RNF19B: variants seen among roughly 807,000 people sequenced by gnomAD.
RNF19B encodes the protein ring finger protein 19B.
In RNF19B, 23 loss-of-function variants were observed where a neutral mutation model predicts 65.5. The observed-to-expected ratio is 0.35, with a 90% CI of 0.25 to 0.50. The LOEUF is 0.50. Among genes scored for constraint, RNF19B ranks in the 20% least tolerant of loss-of-function variants. The pLI is 0.98. For missense variants in RNF19B, 794 were observed against 980.0 expected (o/e 0.81, Z 2.53); for synonymous variants, 372 against 379.6 (o/e 0.98, Z 0.23).
intron 1 of RNF19B, among the ~76,000 whole-genome samples, chr1:32,957,531 C>A (rs895554081): frequency 1.3e-5 from 2 of 152,174 alleles, no homozygotes; most frequent in Non-Finnish European, 2.9e-5. Context: ...AACAGTGTAT[C>A]ATTCTGAAAG....
chr1:32,950,990 T>A (rs768884973), intron 1 of RNF19B, among the ~76,000 whole-genome samples: 2 of 151,990 alleles, frequency 1.3e-5, no homozygotes, highest in African/African-American at 4.8e-5. Flanking sequence ...TAGGCATGCA[T>A]CACCATGCGC....
intron 5 of RNF19B, 107 bp from the exon 6 acceptor site, chr1:32,944,266 C>A: frequency 7.9e-7 from 1 of 1,259,472 alleles, no homozygotes; most frequent in Non-Finnish European, 1.1e-6. Context: ...GAAAGGAAGA[C>A]AGAAAGTGGC....
chr1:32,960,628 C>CT (rs1199873472), intron 1 of RNF19B, among the ~76,000 whole-genome samples: 1 of 152,104 alleles, frequency 6.6e-6, no homozygotes, highest in Non-Finnish European at 1.5e-5. Context: ...GAGTGAGACT[C>CT]TGTCTCTAAA....
chr1:32,943,947 A>G, intron 6 of RNF19B, 72 bp downstream of exon 6: 1 of 1,456,976 alleles, frequency 6.9e-7, no homozygotes, highest in South Asian at 1.3e-5. Context: ...TCCCTGTAAA[A>G]TGCGCTGAAT....
chr1:32,955,673 C>T (rs566015022), intron 1 of RNF19B, among the ~76,000 whole-genome samples: 2 of 150,824 alleles, frequency 1.3e-5, no homozygotes, highest in Non-Finnish European at 2.9e-5. Context: ...GGCTACAGCC[C>T]GGGAGGTGGA....
intron 1 of RNF19B, among the ~76,000 whole-genome samples, chr1:32,952,739 A>C: frequency 7.8e-6 from 1 of 128,622 alleles, no homozygotes. Flanking sequence ...ACAGTGTGAG[A>C]CTCCATCTCA....
At chr1:32,948,576 C>T (rs921906084) in intron 2 of RNF19B, among the ~76,000 whole-genome samples, 1 of 152,106 alleles carries the variant, frequency 6.6e-6, no homozygotes, top group African/African-American at 2.4e-5. Context: ...TATTGAGCTG[C>T]CTATCCCAAC....
In RNF19B at chr1:32,936,693, G is replaced by T; in HGVS notation, c.*113C>A. 9.7e-7 allele frequency: 1 copy of T among 1,030,724 alleles called. No individual in the cohort carries two copies. 63.8% of individuals were successfully genotyped at this position (1,030,724 alleles called of 1,614,324 possible). A position where few individuals can be genotyped will look rare whatever the true frequency, so the allele number is the denominator to read the frequency against. The stretch of plus-strand genomic sequence containing the variant: ...TTCCCTGGGCAAAAACCTGTGACCA[G>T]AGAATCTGTGAAATAAAATACATAA... On this transcript the variant is annotated 3_prime_UTR_variant, in exon 9 of 9. Coordinates refer to ENST00000235150, the MANE Select transcript of RNF19B (RefSeq NM_001300826.2).
At chr1:32,935,509 G>C (rs1045599805), downstream of RNF19B, among the ~76,000 whole-genome samples, 2 of 152,118 alleles carry the variant, frequency 1.3e-5, no homozygotes, top group African/African-American at 4.8e-5. Flanking sequence ...AAATTTGTAA[G>C]ATCAGATAAA....
intron 1 of RNF19B, among the ~76,000 whole-genome samples, chr1:32,961,131 CA>C (rs1264542807): frequency 6.6e-6 from 1 of 152,170 alleles, no homozygotes; most frequent in African/African-American, 2.4e-5. Context: ...CTGAAGATCT[CA>C]AAACACCGTG....
Position 32,964,784 on chromosome 1 carries a change from A to ACCG in RNF19B, c.-102_-100dup. The stretch of plus-strand genomic sequence containing the variant: ...CCCGGCCGCCGCCGACGCCGCCACC[A>ACCG]CCGCCTCAACCGCCCTCCCGGCGAT... On this transcript the variant is annotated 5_prime_UTR_variant, in exon 1 of 9. Coordinates refer to ENST00000235150, the MANE Select transcript of RNF19B (RefSeq NM_001300826.2). The surrounding 1 kb of genome is among the most constrained non-coding windows in gnomAD (Gnocchi z 6.5). 9.2e-7 allele frequency: 1 copy of ACCG among 1,083,990 alleles called. No homozygotes were observed. The highest frequency in any genetic ancestry group is 1.2e-6 in the Non-Finnish European group (1 of 838,748). 67.1% of individuals were successfully genotyped at this position (1,083,990 alleles called of 1,614,324 possible). A position where few individuals can be genotyped will look rare whatever the true frequency, so the allele number is the denominator to read the frequency against.
At chr1:32,953,905 T>C (rs1642571029) in intron 1 of RNF19B, among the ~76,000 whole-genome samples, 1 of 143,714 alleles carries the variant, frequency 7.0e-6, no homozygotes, top group African/African-American at 2.6e-5. Flanking sequence ...CCACTTCTTT[T>C]TTTTTTTTTT....
intron 8 of RNF19B, among the ~76,000 whole-genome samples, chr1:32,938,091 G>A (rs1279542071): frequency 1.5e-5 from 2 of 130,178 alleles, no homozygotes; most frequent in African/African-American, 6.0e-5. Flanking sequence ...CATCAATCTA[G>A]CTCTTTAAGT....
Position 32,936,601 on chromosome 1 carries a change from A to C in RNF19B, c.*205T>G. ...AATTAAAACTAAAAAGAGGGAGGGG[A>C]GGGGAGGGGAACTAACGGCAAACTT... On this transcript the variant is annotated 3_prime_UTR_variant, in exon 9 of 9. Transcript: ENST00000235150. 4.1e-6 allele frequency: 2 copies of C among 488,108 alleles called. No individual in the cohort carries two copies. Among genetic ancestry groups the C allele is most frequent in the South Asian group, 4.4e-5 (1 of 22,582 alleles). The allele number at this position is 488,108 out of a possible 1,614,324, so 30.2% of individuals were successfully genotyped here. A position where few individuals can be genotyped will look rare whatever the true frequency, so the allele number is the denominator to read the frequency against.
At chr1:32,948,128 T>A (rs923751747) in intron 3 of RNF19B, 94 bp downstream of exon 3, 27 of 1,357,006 alleles carry the variant, frequency 2.0e-5, no homozygotes, top group Non-Finnish European at 2.5e-5. Context: ...CTTAAACCTG[T>A]AATGAGAGAA....
Position 32,936,844 on chromosome 1 carries a change from T to C in RNF19B, c.2158A>G (p.Thr720Ala), listed in dbSNP as rs1642114276. 3 of 1,590,458 alleles carry C rather than the reference T, an allele frequency of 1.9e-6. No individual in the cohort carries two copies. Among genetic ancestry groups the C allele is most frequent in the Admixed American group, 3.4e-5 (2 of 58,620 alleles). ...TCTCCACCTTCTGGCTTCAAGACAG[T>C]TTGTCCCTCGGCTAGGGCAGAGAGG... Reference protein sequence around the residue: ...MNLSALAEGQTVLKPEGGEAR... With the variant: ...MNLSALAEGQAVLKPEGGEAR... Residue 720 changes from threonine to alanine, a missense_variant, in exon 9 of 9, where the codon ACT (threonine) becomes GCT (alanine). Thr to Ala is a moderately conservative substitution (Grantham distance 58). Around this residue, in one of 3 missense-constraint regions of RNF19B, gnomAD observed 368 missense variants for 447.3 expected, o/e 0.82. Coordinates refer to ENST00000235150, the MANE Select transcript of RNF19B (RefSeq NM_001300826.2).
At chr1:32,934,981 G>A (rs953993630), downstream of RNF19B, among the ~76,000 whole-genome samples, 14 of 142,734 alleles carry the variant, frequency 9.8e-5, no homozygotes, top group East Asian at 4.5e-4. Flanking sequence ...ACAGGTGTGC[G>A]CCACCACGCC....
chr1:32,964,082 C>G lies in RNF19B; in HGVS notation c.604G>C (p.Asp202His). The G allele has an allele frequency of 6.6e-7, 1 of 1,522,888 alleles. No homozygotes were observed. The highest frequency in any genetic ancestry group is 8.8e-7 in the Non-Finnish European group (1 of 1,135,696). The allele number at this position is 1,522,888 out of a possible 1,614,324, so 94.3% of individuals were successfully genotyped here. A position where few individuals can be genotyped will look rare whatever the true frequency, so the allele number is the denominator to read the frequency against. Residue 202 changes from aspartate to histidine, a missense_variant, in exon 1 of 9, where the codon GAC becomes CAC. Physicochemically the swap from Asp to His is moderately conservative, Grantham distance 81. Around this residue, in one of 3 missense-constraint regions of RNF19B, gnomAD observed 374 missense variants for 423.8 expected, o/e 0.88. Coordinates refer to ENST00000235150, the MANE Select transcript of RNF19B (RefSeq NM_001300826.2). The surrounding 1 kb of genome is among the most constrained non-coding windows in gnomAD (Gnocchi z 6.5). ...TCCGGGGCCGGGCACCAGCGGCAGT[C>G]GGGGTCCGAGGCTAGGTAGCGGCGC... Reference protein sequence around the residue: ...MLRRYLASDPDCRWCPAPDCG... With the variant: ...MLRRYLASDPHCRWCPAPDCG...
At chr1:32,951,885 C>T (rs1642508858) in intron 1 of RNF19B, among the ~76,000 whole-genome samples, 1 of 151,560 alleles carries the variant, frequency 6.6e-6, no homozygotes, top group Non-Finnish European at 1.5e-5. Context: ...GCAATCTTCT[C>T]CCAAATTCAA....
Sources: allele counts gnomAD v4.1 joint callset (sites outside exome capture counted in the v4.1 genomes callset), GRCh38; gene constraint gnomAD v4.1.1; regional missense constraint gnomAD v4.1.1; non-coding constraint Gnocchi (gnomAD v3.1); transcripts MANE v1.5; gene names NCBI Gene and HGNC (gene_info 2026-07-23, HGNC 2026-07-21).